Variants in ACSS1 observed in about 807,000 individuals in gnomAD.
ACSS1 encodes the protein acetyl-coenzyme A synthetase 2-like, mitochondrial.
Under a neutral mutation model 75.3 loss-of-function variants are expected in ACSS1, and 42 were observed. The observed-to-expected ratio is 0.56, with a 90% CI of 0.44 to 0.72. The LOEUF is 0.72. Ranked by LOEUF, ACSS1 falls within the 30% of genes least tolerant of loss-of-function variation. ACSS1 has a pLI of 0.00. For synonymous variants in ACSS1, 380 were observed against 376.8 expected, an observed-to-expected ratio of 1.01 and a Z score of -0.10; for missense variants, 782 against 935.7, an observed-to-expected ratio of 0.84 and a Z score of 2.14.
intron 7 of ACSS1, among the ~76,000 whole-genome samples, chr20:25,018,523 G>C (rs971208258): frequency 1.3e-5 from 2 of 152,148 alleles, no homozygotes; most frequent in Admixed American, 6.5e-5. Flanking sequence ...TCAATCAGGT[G>C]GGGGGCAGAG....
chr20:25,031,261 C>G, intron 2 of ACSS1: 1 of 429,308 alleles, frequency 2.3e-6, no homozygotes, highest in Non-Finnish European at 4.3e-6. Context: ...CATGGTGACA[C>G]CATTTTAGAA....
At chr20:25,021,583 C>T (rs1379064768) in intron 5 of ACSS1, 47 bp from the exon 6 acceptor site, 3 of 1,599,004 alleles carry the variant, frequency 1.9e-6, no homozygotes, top group Non-Finnish European at 2.6e-6. Context: ...CCCCACTCCA[C>T]CATGTTCACA....
At position 25,023,565 on chromosome 20, in the gene ACSS1, A is replaced by G. The variant is rs1203501912; in HGVS notation, c.708T>C (p.Asp236=). ...CGGTGGGGCAGTGCTTCACAGCCTC[A>G]TCCACTATTTTCTTCAGCTCCACCA... is the stretch of plus-strand genomic sequence containing the variant. ...GRVVELKKIV[D]EAVKHCPTVQ... Residue 236 remains aspartate (D), a synonymous_variant, in exon 4 of 14, where the codon GAT becomes GAC. Transcript: ENST00000323482. The G allele has an allele frequency of 6.2e-7, 1 of 1,613,934 alleles. No individual in the cohort carries two copies. The highest frequency in any genetic ancestry group is 1.3e-5 in the African/African-American group (1 of 74,900).
chr20:25,029,803 A>T (rs2122679826), intron 3 of ACSS1, among the ~76,000 whole-genome samples: 1 of 152,358 alleles, frequency 6.6e-6, no homozygotes, highest in South Asian at 2.1e-4. Context: ...TGAATTGTAC[A>T]CTTTAAGATG....
At chr20:25,015,498 T>C (rs1248656264) in intron 7 of ACSS1, among the ~76,000 whole-genome samples, 1 of 152,166 alleles carries the variant, frequency 6.6e-6, no homozygotes, top group Non-Finnish European at 1.5e-5. Context: ...GGTTTCACCA[T>C]GTTGGCCAGG....
At chr20:25,014,241 A>T (rs1364837177) in intron 8 of ACSS1, among the ~76,000 whole-genome samples, 168 bp from the exon 9 acceptor site, 1 of 152,144 alleles carries the variant, frequency 6.6e-6, no homozygotes, top group Non-Finnish European at 1.5e-5. Flanking sequence ...TCCACTGTGG[A>T]TATGAGAGGC....
chr20:25,046,897 A>G (rs755990420), intron 2 of ACSS1: 8 of 779,526 alleles, frequency 1.0e-5, no homozygotes, highest in African/African-American at 1.7e-5. Context: ...TGCGTGCTGT[A>G]TAGGCTGTGA....
chr20:25,032,457 C>G (rs962858382), intron 2 of ACSS1: 79 of 1,347,878 alleles, frequency 5.9e-5, no homozygotes, highest in Non-Finnish European at 7.3e-5. Context: ...CTGGACCTGG[C>G]AATTGCATTA....
chr20:25,028,466 T>C (rs1332757357), intron 3 of ACSS1, among the ~76,000 whole-genome samples: 1 of 152,122 alleles, frequency 6.6e-6, no homozygotes, highest in African/African-American at 2.4e-5. Flanking sequence ...ATCCCTCACA[T>C]ATATGGTCAA....
At chr20:25,045,617 A>T (rs2089076346) in intron 2 of ACSS1, among the ~76,000 whole-genome samples, 1 of 152,216 alleles carries the variant, frequency 6.6e-6, no homozygotes, top group Non-Finnish European at 1.5e-5. Flanking sequence ...GAGGCCTGCA[A>T]CCATCCTAGG....
At chr20:25,014,772 C>CTGAACATCAGA in intron 8 of ACSS1, among the ~76,000 whole-genome samples, 1 of 152,322 alleles carries the variant, frequency 6.6e-6, no homozygotes, top group East Asian at 1.9e-4. Flanking sequence ...AGATGTTCCC[C>CTGAACATCAGA]TGTTCAGAAA....
intron 3 of ACSS1, among the ~76,000 whole-genome samples, chr20:25,025,707 A>G (rs1207223816): frequency 2.6e-5 from 4 of 152,136 alleles, no homozygotes; most frequent in Admixed American, 2.0e-4. Flanking sequence ...GCTGACTGTC[A>G]GCCAGGGGTC....
At chr20:25,042,686 C>G (rs1353655982) in intron 2 of ACSS1, among the ~76,000 whole-genome samples, 1 of 152,112 alleles carries the variant, frequency 6.6e-6, no homozygotes, top group Non-Finnish European at 1.5e-5. Flanking sequence ...CACACTTTAG[C>G]TGATGTACGT....
chr20:25,028,801 T>G (rs1311298493), intron 3 of ACSS1, among the ~76,000 whole-genome samples: 1 of 152,020 alleles, frequency 6.6e-6, no homozygotes, highest in African/African-American at 2.4e-5. Context: ...GTGCCTGTAA[T>G]CCCAGCTACT....
At position 25,058,031 on chromosome 20, in the gene ACSS1, G is replaced by A; in HGVS notation, c.72C>T (p.Pro24=). 1.5e-6 allele frequency: 2 copies of A among 1,374,586 alleles called. No individual in the cohort carries two copies. The highest frequency in any genetic ancestry group is 3.1e-5 in the East Asian group (1 of 32,702). 85.1% of individuals were successfully genotyped at this position (1,374,586 alleles called of 1,614,324 possible). A position where few individuals can be genotyped will look rare whatever the true frequency, so the allele number is the denominator to read the frequency against. The change falls in exon 1 of 14, where the codon CCC becomes CCT. Residue 24 remains proline, a synonymous_variant. Transcript: ENST00000323482. ...CGCTCACCCCGCACGGCGGCCGCGC[G>A]GGCTGCCCCGAGAGCCCTCGCAGGC... ...LGSLRGLSGQ[P]ARPPCGVSAP...
chr20:25,023,690 A>G (rs2088667699), intron 3 of ACSS1, 49 bp from the exon 4 acceptor site: 1 of 1,519,784 alleles, frequency 6.6e-7, no homozygotes, highest in African/African-American at 1.4e-5. Flanking sequence ...CCCGACTTTA[A>G]CCCTCATAGC....
intron 3 of ACSS1, 28 bp downstream of exon 3, chr20:25,030,731 T>C (rs1197901230): frequency 6.2e-7 from 1 of 1,612,354 alleles, no homozygotes; most frequent in Admixed American, 1.7e-5. Flanking sequence ...ACTCCAGGGT[T>C]CCTCCCTCCC....
intron 7 of ACSS1, among the ~76,000 whole-genome samples, chr20:25,018,899 C>T (rs1186341645): frequency 6.6e-6 from 1 of 152,216 alleles, no homozygotes; most frequent in African/African-American, 2.4e-5. Context: ...CTAAGGCTCA[C>T]ATCTGACCCT....
chr20:25,020,971 C>T (rs1173801941), intron 6 of ACSS1, among the ~76,000 whole-genome samples: 7 of 152,208 alleles, frequency 4.6e-5, no homozygotes, highest in Non-Finnish European at 1.0e-4. Context: ...CTAGGCCATG[C>T]CTAACATGGT....
Sources: allele counts gnomAD v4.1 joint callset (sites outside exome capture counted in the v4.1 genomes callset), GRCh38; gene constraint gnomAD v4.1.1; transcripts MANE v1.5; gene names NCBI Gene and HGNC (gene_info 2026-07-23, HGNC 2026-07-21).